ADAM23: variants seen among roughly 807,000 people sequenced by gnomAD.
ADAM23 encodes ADAM metallopeptidase domain 23.
Under a neutral mutation model 120.1 loss-of-function variants are expected in ADAM23, and 33 were observed. The ratio of observed to expected loss-of-function variants is 0.27; its 90% CI spans 0.21 to 0.37. ADAM23 has a LOEUF of 0.37. Among genes scored for constraint, ADAM23 ranks in the 10% least tolerant of loss-of-function variants. The pLI is 1.00. For synonymous variants in ADAM23, 367 were observed against 375.2 expected (o/e 0.98, Z 0.25); for missense variants, 862 against 1,058.2 (o/e 0.81, Z 2.57).
At chr2:206,556,927 T>A (rs1039483106) in intron 9 of ADAM23, among the ~76,000 whole-genome samples, 4 of 152,160 alleles carry the variant, frequency 2.6e-5, no homozygotes, top group African/African-American at 9.7e-5. Flanking sequence ...GACAAGTGGG[T>A]TAAGCCGTTT....
At chr2:206,445,982 G>T (rs1695075193) in intron 2 of ADAM23, among the ~76,000 whole-genome samples, 1 of 152,130 alleles carries the variant, frequency 6.6e-6, no homozygotes, top group South Asian at 2.1e-4. Flanking sequence ...TAGAAATTGA[G>T]TGTTTAAACA....
At chr2:206,606,274 A>C (rs1032563934) in intron 24 of ADAM23, among the ~76,000 whole-genome samples, 7 of 152,174 alleles carry the variant, frequency 4.6e-5, no homozygotes, top group Non-Finnish European at 8.8e-5. Flanking sequence ...CAGTCAAATA[A>C]ATTTACATAT....
In ADAM23 at chr2:206,560,129, A is replaced by G. The variant is rs1314640691; in HGVS notation, c.1169+11A>G. 1 of 1,609,320 alleles carries G rather than the reference A, an allele frequency of 6.2e-7. No homozygotes were observed. The highest frequency in any genetic ancestry group is 1.3e-5 in the African/African-American group (1 of 74,868). On this transcript the variant is annotated intron_variant, in intron 11 of 25. Transcript: ENST00000264377. ...TGTGCACCTCATCTCGTACGTACTCATTTCAGCCTTTAGTGTAGTCTTTGG... is the reference window on the plus strand; with the variant it reads ...TGTGCACCTCATCTCGTACGTACTCGTTTCAGCCTTTAGTGTAGTCTTTGG...
At chr2:206,464,682 G>A (rs563074551) in intron 2 of ADAM23, among the ~76,000 whole-genome samples, 1 of 152,122 alleles carries the variant, frequency 6.6e-6, no homozygotes, top group Non-Finnish European at 1.5e-5. Flanking sequence ...GAGAGTAGGG[G>A]TTCTCAACCA....
chr2:206,473,791 T>C (rs1695715039), intron 2 of ADAM23, among the ~76,000 whole-genome samples: 1 of 151,704 alleles, frequency 6.6e-6, no homozygotes. Context: ...GGTGAATTGT[T>C]GAGCCTAGGA....
chr2:206,445,981 A>T (rs549534511), intron 2 of ADAM23, among the ~76,000 whole-genome samples: 1 of 152,326 alleles, frequency 6.6e-6, no homozygotes, highest in South Asian at 2.1e-4. Flanking sequence ...TTAGAAATTG[A>T]GTGTTTAAAC....
intron 2 of ADAM23, among the ~76,000 whole-genome samples, chr2:206,473,373 A>G (rs1347485047): frequency 6.6e-6 from 1 of 152,020 alleles, no homozygotes; most frequent in Non-Finnish European, 1.5e-5. Context: ...ACAAATTCAA[A>G]TGCGCTTGTT....
intron 2 of ADAM23, among the ~76,000 whole-genome samples, chr2:206,472,807 G>T (rs1272439967): frequency 2.0e-5 from 3 of 152,054 alleles, no homozygotes; most frequent in African/African-American, 7.2e-5. Flanking sequence ...TCGAATATTG[G>T]CTAGATTTCT....
At chr2:206,528,534 T>TA in intron 3 of ADAM23, among the ~76,000 whole-genome samples, 1 of 152,176 alleles carries the variant, frequency 6.6e-6, no homozygotes, top group Non-Finnish European at 1.5e-5. Flanking sequence ...ACACAGGACA[T>TA]ACGCAGGACA....
chr2:206,584,283 A>G (rs953892033), intron 18 of ADAM23, among the ~76,000 whole-genome samples: 3 of 152,152 alleles, frequency 2.0e-5, no homozygotes, highest in African/African-American at 7.2e-5. Context: ...AATGGACTCC[A>G]TGAGGGTCCT....
At chr2:206,539,366 C>A (rs1263936422) in intron 4 of ADAM23, among the ~76,000 whole-genome samples, 1 of 152,150 alleles carries the variant, frequency 6.6e-6, no homozygotes, top group Non-Finnish European at 1.5e-5. Context: ...TTGGTTGTCC[C>A]TGCTGCCATT....
At chr2:206,567,821 A>G (rs1423587686) in intron 15 of ADAM23, among the ~76,000 whole-genome samples, 1 of 152,168 alleles carries the variant, frequency 6.6e-6, no homozygotes, top group Non-Finnish European at 1.5e-5. Context: ...ACATTTCCAC[A>G]TGGCTAGGGA....
At chr2:206,551,883 G>A (rs1240534937) in intron 9 of ADAM23, among the ~76,000 whole-genome samples, 7 of 152,096 alleles carry the variant, frequency 4.6e-5, no homozygotes, top group Admixed American at 4.6e-4. Context: ...TTAGTAAGAA[G>A]CAAAATTTAT....
At chr2:206,557,786 A>G (rs1697676359) in intron 10 of ADAM23, among the ~76,000 whole-genome samples, 1 of 152,222 alleles carries the variant, frequency 6.6e-6, no homozygotes, top group South Asian at 2.1e-4. Context: ...AATAGCTACC[A>G]AAATCTATTT....
At chr2:206,550,070 G>T in intron 8 of ADAM23, 25 bp from the exon 9 acceptor site, 3 of 1,448,382 alleles carry the variant, frequency 2.1e-6, no homozygotes, top group South Asian at 2.4e-5. Context: ...TCACTATTCT[G>T]ACCATATATT....
chr2:206,588,240 C>A, intron 20 of ADAM23, 86 bp downstream of exon 20: 1 of 1,397,966 alleles, frequency 7.2e-7, no homozygotes, highest in Non-Finnish European at 1.0e-6. Flanking sequence ...GAGAGAGATG[C>A]ACAGCTTGGA....
intron 20 of ADAM23, 54 bp downstream of exon 20, chr2:206,588,208 G>A: frequency 6.4e-7 from 1 of 1,573,412 alleles, no homozygotes; most frequent in Non-Finnish European, 8.7e-7. Flanking sequence ...TCTTAATAGT[G>A]TTCTTCTCTG....
At chr2:206,461,462 G>C (rs1695417899) in intron 2 of ADAM23, among the ~76,000 whole-genome samples, 1 of 152,128 alleles carries the variant, frequency 6.6e-6, no homozygotes, top group Non-Finnish European at 1.5e-5. Flanking sequence ...CTGTGCAATA[G>C]ATAGCCAGTT....
chr2:206,459,440 A>G (rs531415225), intron 2 of ADAM23, among the ~76,000 whole-genome samples: 12 of 152,316 alleles, frequency 7.9e-5, no homozygotes, highest in African/African-American at 2.9e-4. Context: ...TTTATGAATT[A>G]TCTTGTCTGC....
Sources: allele counts gnomAD v4.1 joint callset (sites outside exome capture counted in the v4.1 genomes callset), GRCh38; gene constraint gnomAD v4.1.1; transcripts MANE v1.5; gene names NCBI Gene and HGNC (gene_info 2026-07-23, HGNC 2026-07-21).